Variants in RASA3 observed in about 807,000 individuals in gnomAD.
The protein encoded by RASA3 is ras GTPase-activating protein 3.
In RASA3, 73 loss-of-function variants were observed where a neutral mutation model predicts 110.0. That is an observed-to-expected ratio of 0.66 (90% confidence interval 0.55 to 0.81). RASA3 has a LOEUF of 0.81. Among genes scored for constraint, RASA3 ranks in the 30% least tolerant of loss-of-function variants. The pLI is 0.00. For missense variants in RASA3, 976 were observed against 1,113.2 expected (o/e 0.88, Z 1.75); for synonymous variants, 500 against 451.4 (o/e 1.11, Z -1.37).
chr13:113,992,650 TGAC>T, intron 21 of RASA3, 62 bp from the exon 22 acceptor site: 1 of 1,219,146 alleles, frequency 8.2e-7, no homozygotes, highest in Non-Finnish European at 1.2e-6. Flanking sequence ...CTTTTAATAA[TGAC>T]ATTCATTTTT....
chr13:114,028,200 C>CG lies in RASA3; in HGVS notation c.450-274dup, dbSNP rs200539918. ...GACAGCACATCTAAAGCAGCGTCAT[C>CG]GGGGGGGCGGGGGGCAGGACCCCTA... On this transcript the variant is annotated intron_variant, in intron 5 of 23. Coordinates refer to ENST00000334062, the MANE Select transcript of RASA3 (RefSeq NM_007368.4). 8.2e-3 allele frequency among the ~76,000 whole-genome samples: 781 copies of CG among 95,670 alleles called. 15 individuals carry two copies. Among genetic ancestry groups the CG allele is most frequent in the African/African-American group, 0.033 (752 of 22,556 alleles). 62.8% of individuals were successfully genotyped at this position (95,670 alleles called of 152,430 possible).
chr13:114,017,765 G>A lies in RASA3; in HGVS notation c.1091+339C>T, dbSNP rs186587579. ...CAGATGTTTCTAGAACAGGGCGTCC[G>A]GAAACAGCACTAGGCAGGTCCTGAG... is the stretch of plus-strand genomic sequence containing the variant. On this transcript the variant is annotated intron_variant, in intron 11 of 23. Transcript: ENST00000334062. Among the ~76,000 whole-genome samples, 662 of 152,272 alleles carry A rather than the reference G, an allele frequency of 4.3e-3. 13 individuals are homozygous for A. The highest frequency in any genetic ancestry group is 0.015 in the African/African-American group (641 of 41,560).
intron 1 of RASA3, among the ~76,000 whole-genome samples, chr13:114,088,554 AT>A (rs774913747): frequency 5.4e-4 from 11 of 20,246 alleles, no homozygotes; most frequent in East Asian, 2.1e-3. Flanking sequence ...TCCCAAATTA[AT>A]TTTTTTTTTT....
At chr13:114,047,408 C>T (rs920367819) in intron 3 of RASA3, among the ~76,000 whole-genome samples, 1 of 152,188 alleles carries the variant, frequency 6.6e-6, no homozygotes, top group East Asian at 1.9e-4. Context: ...GTCCTAAGGG[C>T]CGGGCAGGAT....
intron 1 of RASA3, among the ~76,000 whole-genome samples, chr13:114,082,235 C>T (rs971831190): frequency 6.6e-6 from 1 of 152,220 alleles, no homozygotes; most frequent in East Asian, 1.9e-4. Flanking sequence ...ACGTCCACGT[C>T]TGAGACAAAG....
intron 1 of RASA3, among the ~76,000 whole-genome samples, chr13:114,078,686 G>C (rs1594433430): frequency 6.6e-6 from 1 of 152,240 alleles, no homozygotes; most frequent in African/African-American, 2.4e-5. Flanking sequence ...ATCAGGCAGT[G>C]AGTAACAAAA....
At chr13:113,980,041 T>TGTGTGCCTC (rs2052877291) in intron 23 of RASA3, among the ~76,000 whole-genome samples, 1 of 56,250 alleles carries the variant, frequency 1.8e-5, no homozygotes, top group Non-Finnish European at 4.9e-5. Context: ...TGTGTGCACC[T>TGTGTGCCTC]CTGTGTGCCT....
intron 18 of RASA3, among the ~76,000 whole-genome samples, chr13:114,003,696 G>A (rs113543261): frequency 0.031 from 4,674 of 152,176 alleles, 125 homozygotes; most frequent in Non-Finnish European, 0.046. Context: ...TGTGTTAGAC[G>A]TACTCATAGG....
intron 1 of RASA3, 49 bp from the exon 2 acceptor site, chr13:114,073,886 T>C (rs1442560940): frequency 7.0e-7 from 1 of 1,428,728 alleles, no homozygotes; most frequent in African/African-American, 1.4e-5. Flanking sequence ...AAATGTTTGT[T>C]CCCTGCTACA....
At chr13:114,061,539 T>C (rs544255340) in intron 2 of RASA3, among the ~76,000 whole-genome samples, 1 of 150,052 alleles carries the variant, frequency 6.7e-6, no homozygotes, top group Non-Finnish European at 1.5e-5. Flanking sequence ...TTACTGGGCA[T>C]GGCGGCAGGC....
chr13:114,090,642 G>A (rs1004327941), intron 1 of RASA3, among the ~76,000 whole-genome samples: 10 of 152,178 alleles, frequency 6.6e-5, no homozygotes, highest in Non-Finnish European at 7.3e-5. Flanking sequence ...AACTACAAGA[G>A]AAAAACACCT....
chr13:114,089,367 C>T (rs536753132), intron 1 of RASA3, among the ~76,000 whole-genome samples: 2 of 151,488 alleles, frequency 1.3e-5, no homozygotes, highest in Non-Finnish European at 2.9e-5. Flanking sequence ...TGGTGGAAAC[C>T]TCACAGAGGG....
chr13:114,029,300 G>A (rs1378736571), intron 5 of RASA3, among the ~76,000 whole-genome samples: 1 of 12,988 alleles, frequency 7.7e-5, no homozygotes. Context: ...CCTCTAAAAC[G>A]GCATCATCCT....
Position 113,995,854 on chromosome 13 carries a change from G to GA in RASA3, c.2141+676_2141+677insT, listed in dbSNP as rs574673738. Reference sequence around the variant, plus strand: ...GCTGACGGGGGGCCCGGCTGACGGGGGGCCCGGCTGATGGGGAGGCCCGGC... The same window carrying GA: ...GCTGACGGGGGGCCCGGCTGACGGGGAGGCCCGGCTGATGGGGAGGCCCGGC... On this transcript the variant is annotated intron_variant, in intron 21 of 23. Coordinates refer to ENST00000334062, the MANE Select transcript of RASA3 (RefSeq NM_007368.4). 1.5e-4 allele frequency among the ~76,000 whole-genome samples: 9 copies of GA among 61,992 alleles called. 3 individuals are homozygous for GA. Among genetic ancestry groups the GA allele is most frequent in the Non-Finnish European group, 1.9e-4 (6 of 32,334 alleles). The allele number at this position is 61,992 out of a possible 152,430, so 40.7% of individuals were successfully genotyped here. A position where few individuals can be genotyped will look rare whatever the true frequency, so the allele number is the denominator to read the frequency against.
At chr13:114,007,636 A>AG in intron 17 of RASA3, 30 bp from the exon 18 acceptor site, 1 of 1,566,256 alleles carries the variant, frequency 6.4e-7, no homozygotes, top group East Asian at 2.2e-5. Flanking sequence ...GGTCACCGGG[A>AG]GGAAGCCACA....
chr13:114,030,182 C>T (rs1020368842), intron 4 of RASA3, among the ~76,000 whole-genome samples: 7 of 152,344 alleles, frequency 4.6e-5, no homozygotes, highest in African/African-American at 1.4e-4. Context: ...GTGTAGGAGA[C>T]GGTCATTCAG....
chr13:114,075,626 C>T (rs1407157451), intron 1 of RASA3, among the ~76,000 whole-genome samples: 1 of 51,660 alleles, frequency 1.9e-5, no homozygotes, highest in Non-Finnish European at 3.0e-5. Context: ...GTCCGCACCG[C>T]GTATCTCTGC....
In RASA3 at chr13:114,011,109, T is replaced by C; in HGVS notation, c.1590+62A>G. On this transcript the variant is annotated intron_variant, in intron 16 of 23. Coordinates refer to ENST00000334062, the MANE Select transcript of RASA3 (RefSeq NM_007368.4). The surrounding 1 kb of genome is among the most constrained non-coding windows in gnomAD (Gnocchi z 4.8). The stretch of plus-strand genomic sequence containing the variant: ...AATGTGGGAGGTTTTTCACGTGTAT[T>C]TTCTGAAGAGAGAAAAGAATCAGTT... 6.9e-7 allele frequency: 1 copy of C among 1,449,890 alleles called. No individual in the cohort carries two copies. The highest frequency in any genetic ancestry group is 9.6e-7 in the Non-Finnish European group (1 of 1,041,472). The allele number at this position is 1,449,890 out of a possible 1,614,324, so 89.8% of individuals were successfully genotyped here.
intron 7 of RASA3, among the ~76,000 whole-genome samples, chr13:114,026,133 AG>A (rs2054021228): frequency 6.6e-6 from 1 of 152,232 alleles, no homozygotes; most frequent in African/African-American, 2.4e-5. Flanking sequence ...AGAGTGAAAC[AG>A]GAGTGCACAC....
Sources: gnomAD v4.1 joint callset for allele counts (sites outside exome capture counted in the v4.1 genomes callset) on GRCh38, gnomAD v4.1.1 for gene constraint, Gnocchi (gnomAD v3.1) non-coding constraint, MANE v1.5 for transcripts, NCBI Gene and HGNC (gene_info 2026-07-23, HGNC 2026-07-21) for gene names.